Variants in KCP observed in about 807,000 individuals in gnomAD.
KCP encodes the protein kielin/chordin-like protein.
KCP carries 194 observed loss-of-function variants against 212.7 expected under a neutral mutation model. The ratio of observed to expected loss-of-function variants is 0.91; its 90% CI spans 0.81 to 1.03. The LOEUF (loss-of-function observed/expected upper bound fraction) is 1.03, where lower values mean the gene tolerates loss of function less well. KCP is among the 50% of genes least tolerant of loss of function. The pLI is 0.00. For missense variants in KCP, 2,080 were observed against 2,162.5 expected (o/e 0.96, Z 0.76); for synonymous variants, 833 against 865.3 (o/e 0.96, Z 0.65).
At chr7:128,892,487 C>G in intron 16 of KCP, 27 bp downstream of exon 16, 1 of 1,475,552 alleles carries the variant, frequency 6.8e-7, no homozygotes, top group Non-Finnish European at 9.1e-7. Context: ...GCCCTGATCC[C>G]CTCAGGCCCA....
intron 7 of KCP, chr7:128,903,151 A>C: frequency 2.1e-6 from 1 of 479,078 alleles, no homozygotes; most frequent in Non-Finnish European, 3.7e-6. Flanking sequence ...CCCAGCCAAC[A>C]TTGCACACTC....
intron 17 of KCP, 31 bp from the exon 18 acceptor site, chr7:128,891,564 A>G (rs1039148815): frequency 6.5e-6 from 10 of 1,540,706 alleles, no homozygotes; most frequent in East Asian, 2.4e-5. Context: ...AGCCTGGGAG[A>G]GGGCGACTGC....
chr7:128,894,176 C>A, intron 9 of KCP, 24 bp downstream of exon 9: 2 of 1,514,020 alleles, frequency 1.3e-6, no homozygotes, highest in Non-Finnish European at 1.8e-6. Flanking sequence ...CATGGTCAGG[C>A]CTCTGCCCTA....
At chr7:128,894,724 A>G (rs532013353) in intron 8 of KCP, among the ~76,000 whole-genome samples, 3 of 152,276 alleles carry the variant, frequency 2.0e-5, no homozygotes, top group African/African-American at 7.2e-5. Context: ...CTCCTGCCTC[A>G]GCCTCCCAAG....
At chr7:128,903,518 T>G (rs1794964940) in intron 7 of KCP, among the ~76,000 whole-genome samples, 1 of 152,162 alleles carries the variant, frequency 6.6e-6, no homozygotes, top group South Asian at 2.1e-4. Context: ...CTATGAGGCA[T>G]GGAATATCAT....
intron 29 of KCP, among the ~76,000 whole-genome samples, chr7:128,882,802 G>A (rs114452849): frequency 6.6e-6 from 1 of 152,280 alleles, no homozygotes; most frequent in African/African-American, 2.4e-5. Flanking sequence ...AGTCGGCGAG[G>A]TGGCTCACAC....
intron 5 of KCP, among the ~76,000 whole-genome samples, chr7:128,905,020 GGTCTTTTCTTTGTGT>G (rs1486435723): frequency 6.6e-6 from 1 of 151,938 alleles, no homozygotes; most frequent in East Asian, 1.9e-4. Flanking sequence ...GGGGGTCAGG[GGTCTTTTCTTTGTGT>G]GTCTTTTCTT....
intron 8 of KCP, among the ~76,000 whole-genome samples, chr7:128,899,322 C>A (rs1794705307): frequency 6.6e-6 from 1 of 152,150 alleles, no homozygotes; most frequent in Non-Finnish European, 1.5e-5. Flanking sequence ...CATCCATAAA[C>A]AATTGTTGTC....
intron 37 of KCP, 160 bp from the exon 38 acceptor site, chr7:128,878,882 C>G: frequency 1.5e-6 from 1 of 683,824 alleles, no homozygotes. Flanking sequence ...CCACCCTGGC[C>G]AAGGCCAAGT....
Position 128,886,916 on chromosome 7 carries a change from G to A in KCP, c.2649C>T (p.Pro883=), listed in dbSNP as rs370747343. ...AGAAGCAGGGGCCTGGAGAGGGGTG[G>A]GGGCAGAGAGCTGGGGGACATGGCT... ...QKKPCPPALC[P]HPSPGPCFCP... The change falls in exon 24 of 40, where the codon CCC becomes CCT. Residue 883 remains proline, a synonymous_variant. Coordinates refer to ENST00000610776, the MANE Select transcript of KCP (RefSeq NM_001366122.1). 1.1e-5 allele frequency: 17 copies of A among 1,532,712 alleles called. 1 individual carries two copies. Among genetic ancestry groups the A allele is most frequent in the East Asian group, 9.8e-5 (4 of 40,858 alleles). 94.9% of individuals were successfully genotyped at this position (1,532,712 alleles called of 1,614,324 possible). A position where few individuals can be genotyped will look rare whatever the true frequency, so the allele number is the denominator to read the frequency against.
intron 21 of KCP, 38 bp from the exon 22 acceptor site, chr7:128,889,077 A>C (rs1563032255): frequency 6.9e-7 from 1 of 1,440,486 alleles, no homozygotes. Flanking sequence ...GGGGAGGGAC[A>C]GAAAGGGATG....
intron 19 of KCP, 34 bp downstream of exon 19, chr7:128,891,151 C>A: frequency 6.5e-7 from 1 of 1,539,116 alleles, no homozygotes; most frequent in Non-Finnish European, 8.7e-7. Context: ...GAGGGGACCC[C>A]CAGGGAGGAG....
At chr7:128,883,969 A>C (rs1190838105) in intron 29 of KCP, 33 bp downstream of exon 29, 3 of 1,541,378 alleles carry the variant, frequency 1.9e-6, no homozygotes, top group Non-Finnish European at 2.6e-6. Context: ...CCCTAACCTC[A>C]TATCTCATCT....
In KCP at chr7:128,890,383, G is replaced by A; in HGVS notation, c.2295C>T (p.Cys765=). 6.4e-7 allele frequency: 1 copy of A among 1,551,332 alleles called. No homozygotes were observed. The highest frequency in any genetic ancestry group is 1.4e-5 in the African/African-American group (1 of 73,176). ...AGCAGTCGCCCCTGGCAGGGAAGGG[G>A]CACAGTGCAGGGGCACATGCCTTGG... The part of the protein sequence containing the change: ...CEPKACAPAL[C]PFPARGDCCP... The change falls in exon 21 of 40, where the codon TGC becomes TGT. Residue 765 remains cysteine (C), a synonymous_variant. Transcript: ENST00000610776.
Position 128,877,679 on chromosome 7 carries a change from G to A in KCP, c.4423C>T (p.Leu1475=), listed in dbSNP as rs1485554956. 6 of 1,551,306 alleles carry A rather than the reference G, an allele frequency of 3.9e-6. No homozygotes were observed. The highest frequency in any genetic ancestry group is 5.2e-6 in the Non-Finnish European group (6 of 1,146,982). Residue 1475 remains leucine (L), a synonymous_variant, in exon 39 of 40, where the codon CTG becomes TTG. Transcript: ENST00000610776. ...CAGCGACTGAATGGGGAGGACTTCAGCACCCCACACCGGGCATTGGCCTCA... is the reference window on the plus strand; with the variant it reads ...CAGCGACTGAATGGGGAGGACTTCAACACCCCACACCGGGCATTGGCCTCA... ...RREANARCGV[L]KSSPFSRCHA...
chr7:128,877,108 G>C lies in KCP; in HGVS notation c.4822C>G (p.Leu1608Val). ...GCACCAAGTGGCTGGTCTCCAGTGA[G>C]CAGGACTTGGGGGCAGGCCTCGGGT... ...IPPEACPQVL[L>V]TGDQPLGARP... is the part of the protein sequence containing the mutation. The change falls in exon 40 of 40, where the codon CTC becomes GTC. Residue 1608 changes from leucine (L) to valine (V), a missense_variant. Transcript: ENST00000610776. 2 of 1,517,460 alleles carry C rather than the reference G, an allele frequency of 1.3e-6. No individual in the cohort carries two copies. The highest frequency in any genetic ancestry group is 1.8e-6 in the Non-Finnish European group (2 of 1,136,484). The allele number at this position is 1,517,460 out of a possible 1,614,324, so 94.0% of individuals were successfully genotyped here. A position where few individuals can be genotyped will look rare whatever the true frequency, so the allele number is the denominator to read the frequency against.
chr7:128,877,334 G>A (rs1456916284), intron 39 of KCP, 23 bp from the exon 40 acceptor site: 6 of 1,526,160 alleles, frequency 3.9e-6, no homozygotes, highest in African/African-American at 1.4e-5. Context: ...TGGGAGGCGG[G>A]GTTACCAAGG....
chr7:128,908,293 A>G (rs538629455), intron 2 of KCP, 133 bp downstream of exon 2: 3 of 666,572 alleles, frequency 4.5e-6, no homozygotes, highest in Non-Finnish European at 6.4e-6. Flanking sequence ...AAAGAAAGAA[A>G]GAAAGAAAGA....
chr7:128,884,754 C>T (rs373975213), intron 28 of KCP, 27 bp downstream of exon 28: 2 of 1,549,108 alleles, frequency 1.3e-6, no homozygotes, highest in Non-Finnish European at 1.7e-6. Flanking sequence ...CGAGGTGCCC[C>T]AGCCCCACCA....
Sources: allele counts gnomAD v4.1 joint callset (sites outside exome capture counted in the v4.1 genomes callset), GRCh38; gene constraint gnomAD v4.1.1; transcripts MANE v1.5; gene names NCBI Gene and HGNC (gene_info 2026-07-23, HGNC 2026-07-21).